RMND5A: variants seen among roughly 807,000 people sequenced by gnomAD.
RMND5A encodes the protein required for meiotic nuclear division 5 homolog A, also known as E3 ubiquitin-protein transferase RMND5A.
Under a neutral mutation model 49.7 loss-of-function variants are expected in RMND5A, and 17 were observed. The ratio of observed to expected loss-of-function variants is 0.34; its 90% CI spans 0.23 to 0.51. The LOEUF (loss-of-function observed/expected upper bound fraction) is 0.51, where lower values mean the gene tolerates loss of function less well. RMND5A is among the 20% of genes least tolerant of loss of function. The pLI is 0.96. For synonymous variants in RMND5A, 156 were observed against 167.7 expected (o/e 0.93, Z 0.54); for missense variants, 255 against 471.3 (o/e 0.54, Z 4.25).
intron 2 of RMND5A, chr2:86,748,235 A>G (rs566029849): frequency 2.6e-5 from 4 of 152,356 alleles, no homozygotes; most frequent in Non-Finnish European, 2.9e-5. Flanking sequence ...TGCAGTTATA[A>G]CAAAAGGAGT....
chr2:86,765,751 C>A, intron 5 of RMND5A, 108 bp from the exon 6 acceptor site: 1 of 898,832 alleles, frequency 1.1e-6, no homozygotes. Context: ...TTTAAAAGAC[C>A]TGTTAATACA....
chr2:86,757,971 A>G (rs1242592189), intron 4 of RMND5A, among the ~76,000 whole-genome samples: 1 of 152,236 alleles, frequency 6.6e-6, no homozygotes, highest in East Asian at 1.9e-4. Context: ...GAAAATGTTC[A>G]AAGTTCTCAG....
chr2:86,761,926 C>T (rs1351765941), intron 4 of RMND5A, among the ~76,000 whole-genome samples: 1 of 151,940 alleles, frequency 6.6e-6, no homozygotes, highest in Non-Finnish European at 1.5e-5. Context: ...TAAATAAATG[C>T]CTCTCCAGGT....
intron 8 of RMND5A, 94 bp from the exon 9 acceptor site, chr2:86,773,254 G>A: frequency 1.5e-6 from 1 of 651,204 alleles, no homozygotes; most frequent in East Asian, 2.7e-5. Context: ...TTATATGTGT[G>A]TATAATTGTT....
intron 6 of RMND5A, among the ~76,000 whole-genome samples, chr2:86,769,207 A>G (rs1672647507): frequency 2.0e-5 from 3 of 152,164 alleles, no homozygotes; most frequent in Non-Finnish European, 1.5e-5. Context: ...TGGCCTCCCA[A>G]AGTGCTGCAA....
intron 8 of RMND5A, 50 bp from the exon 9 acceptor site, chr2:86,773,298 C>A: frequency 1.9e-6 from 2 of 1,028,368 alleles, no homozygotes; most frequent in South Asian, 1.4e-5. Context: ...AAATTGAATA[C>A]ACAGTACTGA....
rs1040361627 is a variant in RMND5A at position 86,777,938 on chromosome 2, A to G, written c.*4527A>G. ...TCGGACTGATATAATAGAGTTTTGG[A>G]AAACTATAAGAAATGCTTTGTTAAT... On this transcript the variant is annotated 3_prime_UTR_variant, in exon 9 of 9. Coordinates refer to ENST00000283632, the MANE Select transcript of RMND5A (RefSeq NM_022780.4). 1.3e-5 allele frequency: 2 copies of G among 152,330 alleles called. No individual in the cohort carries two copies. The highest frequency in any genetic ancestry group is 1.5e-5 in the Non-Finnish European group (1 of 68,032). 9.4% of individuals were successfully genotyped at this position (152,330 alleles called of 1,614,324 possible). A position where few individuals can be genotyped will look rare whatever the true frequency, so the allele number is the denominator to read the frequency against.
intron 2 of RMND5A, among the ~76,000 whole-genome samples, chr2:86,749,878 G>A (rs1015927492): frequency 6.6e-6 from 1 of 152,180 alleles, no homozygotes. Context: ...GTAGATAGCT[G>A]TTTATAGGGA....
At chr2:86,744,237 T>G (rs967744758) in intron 2 of RMND5A, among the ~76,000 whole-genome samples, 1 of 152,166 alleles carries the variant, frequency 6.6e-6, no homozygotes, top group African/African-American at 2.4e-5. Context: ...GTAGGCTGTT[T>G]CACATAAGAC....
At chr2:86,743,992 A>AATAC (rs1681494587) in intron 2 of RMND5A, among the ~76,000 whole-genome samples, 1 of 151,892 alleles carries the variant, frequency 6.6e-6, no homozygotes, top group Admixed American at 6.6e-5. Context: ...AAAAAAAAAA[A>AATAC]ATACATACAT....
chr2:86,749,111 A>C (rs1257466430), intron 2 of RMND5A, among the ~76,000 whole-genome samples: 1 of 152,202 alleles, frequency 6.6e-6, no homozygotes, highest in Non-Finnish European at 1.5e-5. Flanking sequence ...TTGGGAGAGA[A>C]CAGCGTTGAT....
intron 4 of RMND5A, among the ~76,000 whole-genome samples, chr2:86,760,965 A>AGAGTGT (rs1553427588): frequency 6.9e-6 from 1 of 145,330 alleles, no homozygotes; most frequent in Admixed American, 6.8e-5. Flanking sequence ...GAGAGAGAGA[A>AGAGTGT]GTGTGTGTGT....
At chr2:86,762,644 C>CA (rs139214361) in intron 4 of RMND5A, among the ~76,000 whole-genome samples, 16,520 of 140,006 alleles carry the variant, frequency 0.12, 1,368 homozygotes, top group African/African-American at 0.17. Flanking sequence ...AACTCTGTCT[C>CA]AAAAAAAAAA....
At chr2:86,752,064 G>T in intron 3 of RMND5A, 34 bp downstream of exon 3, 5 of 1,607,284 alleles carry the variant, frequency 3.1e-6, no homozygotes, top group Non-Finnish European at 3.4e-6. Flanking sequence ...ATATGAAAAA[G>T]AAACAAGGGA....
intron 4 of RMND5A, among the ~76,000 whole-genome samples, chr2:86,754,317 G>A (rs1368681634): frequency 6.6e-6 from 1 of 152,208 alleles, no homozygotes; most frequent in Non-Finnish European, 1.5e-5. Context: ...TTTTTACTGT[G>A]AGGATTACCA....
intron 7 of RMND5A, among the ~76,000 whole-genome samples, chr2:86,770,658 C>T (rs1672671939): frequency 6.6e-6 from 1 of 152,186 alleles, no homozygotes; most frequent in Non-Finnish European, 1.5e-5. Context: ...CGATCACTTG[C>T]CAACTCTAGA....
At chr2:86,756,801 A>G (rs567007867) in intron 4 of RMND5A, among the ~76,000 whole-genome samples, 1 of 152,286 alleles carries the variant, frequency 6.6e-6, no homozygotes, top group South Asian at 2.1e-4. Flanking sequence ...TGGAGCTCAC[A>G]AGGGAAAAGA....
chr2:86,749,173 G>A (rs1315189555), intron 2 of RMND5A, among the ~76,000 whole-genome samples: 1 of 152,198 alleles, frequency 6.6e-6, no homozygotes, highest in East Asian at 1.9e-4. Context: ...CATCTCCGGT[G>A]TTGTAGTTGT....
At chr2:86,766,716 G>GAT (rs1672603854) in intron 6 of RMND5A, among the ~76,000 whole-genome samples, 1 of 151,562 alleles carries the variant, frequency 6.6e-6, no homozygotes, top group Non-Finnish European at 1.5e-5. Flanking sequence ...GGCCTGGTGT[G>GAT]GTGGCTCACA....
Sources: gnomAD v4.1 joint callset for allele counts (sites outside exome capture counted in the v4.1 genomes callset) on GRCh38, gnomAD v4.1.1 for gene constraint, MANE v1.5 for transcripts, NCBI Gene and HGNC (gene_info 2026-07-23, HGNC 2026-07-21) for gene names.